Variants in ZBTB7C observed in about 807,000 individuals in gnomAD.
ZBTB7C encodes zinc finger and BTB domain containing 7C.
A neutral mutation model predicts 25.7 loss-of-function variants in ZBTB7C; 8 were observed. The observed-to-expected ratio is 0.31, with a 90% CI of 0.18 to 0.56. The LOEUF (loss-of-function observed/expected upper bound fraction) is 0.56, where lower values mean the gene tolerates loss of function less well. Ranked by LOEUF, ZBTB7C falls within the 20% of genes least tolerant of loss-of-function variation. The probability of loss-of-function intolerance (pLI) is 0.91; values close to 1 mark genes in which losing one functional copy is unlikely to be tolerated. For synonymous variants in ZBTB7C, 394 were observed against 369.0 expected (o/e 1.07, Z -0.78); for missense variants, 824 against 855.2 (o/e 0.96, Z 0.46).
At chr18:48,300,221 G>T (rs912772727) in intron 2 of ZBTB7C, among the ~76,000 whole-genome samples, 20 of 152,186 alleles carry the variant, frequency 1.3e-4, no homozygotes, top group African/African-American at 4.6e-4. Context: ...GCAAGCATCA[G>T]TATATTTTAA....
chr18:48,130,879 G>A (rs1255138659), intron 3 of ZBTB7C, among the ~76,000 whole-genome samples: 1 of 152,170 alleles, frequency 6.6e-6, no homozygotes, highest in African/African-American at 2.4e-5. Flanking sequence ...GGGTAGGCAT[G>A]GGCATCTATA....
chr18:48,082,540 C>G (rs2144495048), intron 3 of ZBTB7C, among the ~76,000 whole-genome samples: 1 of 152,232 alleles, frequency 6.6e-6, no homozygotes, highest in East Asian at 1.9e-4. Context: ...TCACTGCCTT[C>G]TCTCTGGGAT....
intron 2 of ZBTB7C, among the ~76,000 whole-genome samples, chr18:48,215,361 G>A (rs963609885): frequency 6.6e-6 from 1 of 152,200 alleles, no homozygotes; most frequent in Non-Finnish European, 1.5e-5. Flanking sequence ...CACAGCCTCA[G>A]GAGGTCCTGG....
chr18:48,121,742 A>G (rs1424690832), intron 3 of ZBTB7C, among the ~76,000 whole-genome samples: 1 of 152,222 alleles, frequency 6.6e-6, no homozygotes, highest in Non-Finnish European at 1.5e-5. Context: ...CCTGAGAGGC[A>G]GGTTTCCATC....
chr18:48,048,499 C>A (rs2036559382), intron 3 of ZBTB7C, among the ~76,000 whole-genome samples: 1 of 152,212 alleles, frequency 6.6e-6, no homozygotes, highest in African/African-American at 2.4e-5. Context: ...CGCTTCACCA[C>A]CCCATGACCT....
chr18:48,057,308 T>C (rs1301646254), intron 3 of ZBTB7C, among the ~76,000 whole-genome samples: 3 of 152,302 alleles, frequency 2.0e-5, no homozygotes, highest in Middle Eastern at 6.8e-3. Context: ...CTCTGTGGCA[T>C]TGATTCTATA....
At chr18:48,240,348 C>A (rs2043491115) in intron 2 of ZBTB7C, among the ~76,000 whole-genome samples, 1 of 152,114 alleles carries the variant, frequency 6.6e-6, no homozygotes, top group African/African-American at 2.4e-5. Flanking sequence ...TCAAACAACA[C>A]CCAGGCAATT....
intron 2 of ZBTB7C, among the ~76,000 whole-genome samples, chr18:48,301,593 G>A (rs1166310731): frequency 6.6e-6 from 1 of 152,158 alleles, no homozygotes; most frequent in Non-Finnish European, 1.5e-5. Context: ...AGTTATGTGA[G>A]AGTGGCATTG....
chr18:48,122,377 G>A (rs975308310), intron 3 of ZBTB7C, among the ~76,000 whole-genome samples: 2 of 152,176 alleles, frequency 1.3e-5, no homozygotes, highest in Non-Finnish European at 2.9e-5. Flanking sequence ...TTATGAAAAT[G>A]TAGTTGTTTC....
intron 3 of ZBTB7C, among the ~76,000 whole-genome samples, chr18:48,042,771 C>T (rs2036305861): frequency 6.6e-6 from 1 of 152,182 alleles, no homozygotes; most frequent in Admixed American, 6.5e-5. Context: ...GGGCCAGAGA[C>T]CCTGGCAGTC....
At chr18:48,246,996 C>A (rs1197729382) in intron 2 of ZBTB7C, among the ~76,000 whole-genome samples, 1 of 152,126 alleles carries the variant, frequency 6.6e-6, no homozygotes, top group Non-Finnish European at 1.5e-5. Flanking sequence ...AGTGGGATTA[C>A]CCCAGGGTTG....
chr18:48,278,376 A>G (rs2044730715), intron 2 of ZBTB7C, among the ~76,000 whole-genome samples: 1 of 152,108 alleles, frequency 6.6e-6, no homozygotes, highest in African/African-American at 2.4e-5. Flanking sequence ...GTCTATCCCC[A>G]GTTGAGTAAC....
intron 1 of ZBTB7C, among the ~76,000 whole-genome samples, chr18:48,339,812 A>G (rs2046551225): frequency 6.6e-6 from 1 of 152,130 alleles, no homozygotes; most frequent in Non-Finnish European, 1.5e-5. Context: ...GATAAATAAG[A>G]AAGACAAGAA....
At chr18:48,309,973 TAATCC>T (rs1389455337) in intron 2 of ZBTB7C, among the ~76,000 whole-genome samples, 1 of 152,152 alleles carries the variant, frequency 6.6e-6, no homozygotes, top group Non-Finnish European at 1.5e-5. Context: ...CTCAGGCCTG[TAATCC>T]CAGCACTTTG....
chr18:48,140,908 C>T (rs1294421770), intron 3 of ZBTB7C, among the ~76,000 whole-genome samples: 1 of 152,150 alleles, frequency 6.6e-6, no homozygotes. Flanking sequence ...AGCCTCTATC[C>T]CCTCTCACCT....
intron 2 of ZBTB7C, among the ~76,000 whole-genome samples, chr18:48,243,814 T>C (rs868167224): frequency 1.3e-5 from 2 of 152,160 alleles, no homozygotes; most frequent in Admixed American, 6.5e-5. Flanking sequence ...ATGGTACTGG[T>C]ATAAAAATAG....
intron 4 of ZBTB7C, 120 bp from the exon 5 acceptor site, chr18:48,030,031 G>C: frequency 2.3e-6 from 3 of 1,308,288 alleles, no homozygotes; most frequent in Non-Finnish European, 3.2e-6. Flanking sequence ...TCAAACCCCA[G>C]AAATAGGTCT....
intron 2 of ZBTB7C, among the ~76,000 whole-genome samples, chr18:48,276,000 G>C (rs369847922): frequency 6.6e-6 from 1 of 152,170 alleles, no homozygotes; most frequent in African/African-American, 2.4e-5. Flanking sequence ...AAGATACAGA[G>C]GGAGGAGGGG....
chr18:48,032,417 G>A (rs1308289579), intron 4 of ZBTB7C, among the ~76,000 whole-genome samples: 1 of 130,940 alleles, frequency 7.6e-6, no homozygotes. Flanking sequence ...GCCCGGACAA[G>A]GTAGGTTTTT....
Sources: allele counts gnomAD v4.1 joint callset (sites outside exome capture counted in the v4.1 genomes callset), GRCh38; gene constraint gnomAD v4.1.1; transcripts MANE v1.5; gene names NCBI Gene and HGNC (gene_info 2026-07-23, HGNC 2026-07-21).